Variants in FLYWCH1 observed in about 807,000 individuals in gnomAD.
FLYWCH1 encodes the protein FLYWCH-type zinc finger 1.
Under a neutral mutation model 66.4 loss-of-function variants are expected in FLYWCH1, and 75 were observed. The ratio of observed to expected loss-of-function variants is 1.13; its 90% CI spans 0.94 to 1.37. FLYWCH1 has a LOEUF of 1.37. Ranked by LOEUF, FLYWCH1 falls within the 40% of genes most tolerant of loss-of-function variation. The pLI, the probability that FLYWCH1 is intolerant of heterozygous loss-of-function variation, is 0.00. For missense variants in FLYWCH1, 1,334 were observed against 1,001.8 expected, an observed-to-expected ratio of 1.33 and a Z score of -4.48; for synonymous variants, 595 against 429.9, an observed-to-expected ratio of 1.38 and a Z score of -4.75.
intron 2 of FLYWCH1, chr16:2,922,756 T>C (rs929510318): frequency 9.7e-6 from 5 of 514,620 alleles, no homozygotes; most frequent in African/African-American, 7.7e-5. Flanking sequence ...ATCAGGGTAT[T>C]GACCTGGGCC....
intron 2 of FLYWCH1, among the ~76,000 whole-genome samples, chr16:2,916,292 A>T (rs969112549): frequency 5.3e-5 from 8 of 152,162 alleles, no homozygotes; most frequent in Admixed American, 1.3e-4. Context: ...GTGAGCTGAG[A>T]TCATGCCACT....
chr16:2,948,287 G>C (rs992026785), intron 9 of FLYWCH1, among the ~76,000 whole-genome samples: 3 of 152,064 alleles, frequency 2.0e-5, no homozygotes, highest in African/African-American at 7.2e-5. Context: ...AGCCAGGTGA[G>C]GTGGCTCATG....
chr16:2,940,276 C>G, intron 9 of FLYWCH1, 184 bp downstream of exon 9: 1 of 530,038 alleles, frequency 1.9e-6, no homozygotes, highest in Admixed American at 3.4e-5. Flanking sequence ...TCTGAAGGCC[C>G]AAGTGAGGCT....
chr16:2,918,589 C>T (rs986032799), intron 2 of FLYWCH1, among the ~76,000 whole-genome samples: 1 of 151,672 alleles, frequency 6.6e-6, no homozygotes, highest in African/African-American at 2.4e-5. Flanking sequence ...TACAGGCATG[C>T]ACCAACATGA....
chr16:2,933,967 C>T lies in FLYWCH1; in HGVS notation c.1501C>T (p.Arg501Trp), dbSNP rs61747745. 1,005 of 1,537,532 alleles carry T rather than the reference C, an allele frequency of 6.5e-4. 10 individuals are homozygous for T. In the African/African-American group the frequency reaches 0.013, roughly 19 times the overall value. Residue 501 changes from arginine to tryptophan, a missense_variant, in exon 6 of 10, where the codon CGG (arginine) becomes TGG (tryptophan). Arg to Trp is a moderately radical substitution (Grantham distance 101). Coordinates refer to ENST00000253928, the MANE Select transcript of FLYWCH1 (RefSeq NM_001308068.2). Reference protein sequence around the residue: ...QREKRPNTAQRGSPGGPEFLK... With the variant: ...QREKRPNTAQWGSPGGPEFLK... ...GGAGAAACGCCCCAACACGGCGCAG[C>T]GGGGGAGCCCAGGTACCTGGGGGTG...
At position 2,940,042 on chromosome 16, in the gene FLYWCH1, A is replaced by G. The variant is rs756064311; in HGVS notation, c.2061A>G (p.Gln687=). The G allele has an allele frequency of 3.8e-6, 6 of 1,595,186 alleles. No individual in the cohort carries two copies. Among genetic ancestry groups the G allele is most frequent in the East Asian group, 4.5e-5 (2 of 44,748 alleles). The change falls in exon 9 of 10, where the codon CAA becomes CAG. Residue 687 remains glutamine (Q), a synonymous_variant. Coordinates refer to ENST00000253928, the MANE Select transcript of FLYWCH1 (RefSeq NM_001308068.2). ...TAQQEDPEKI[Q]VQLCFKTCSP... ...ATTATTTTTCCACAGAAAAGATTCA[A>G]GTTCAGCTGTGCTTCAAGACGTGTT...
intron 2 of FLYWCH1, chr16:2,922,295 A>T (rs2070401437): frequency 6.4e-6 from 1 of 156,526 alleles, no homozygotes; most frequent in African/African-American, 2.4e-5. Context: ...CATATTGGTC[A>T]TTCATGTAAA....
chr16:2,924,585 C>T (rs1051365957), intron 2 of FLYWCH1, among the ~76,000 whole-genome samples: 3 of 152,194 alleles, frequency 2.0e-5, no homozygotes, highest in African/African-American at 7.2e-5. Context: ...CAGCTGCCTT[C>T]CCTGCAGACT....
intron 2 of FLYWCH1, among the ~76,000 whole-genome samples, chr16:2,927,918 G>A (rs1038141919): frequency 6.6e-6 from 1 of 152,232 alleles, no homozygotes; most frequent in Non-Finnish European, 1.5e-5. Flanking sequence ...ATTTATTGAT[G>A]ACTATTTTTA....
intron 2 of FLYWCH1, among the ~76,000 whole-genome samples, chr16:2,924,927 G>C (rs1404507414): frequency 6.6e-6 from 1 of 152,216 alleles, no homozygotes; most frequent in Non-Finnish European, 1.5e-5. Flanking sequence ...AGAGGACTGC[G>C]CTCTCTCCTG....
intron 2 of FLYWCH1, among the ~76,000 whole-genome samples, chr16:2,920,069 G>T (rs1298747937): frequency 1.3e-5 from 2 of 151,990 alleles, no homozygotes; most frequent in Non-Finnish European, 2.9e-5. Context: ...AAGTAGTTGT[G>T]CATTTGAGTG....
intron 4 of FLYWCH1, among the ~76,000 whole-genome samples, chr16:2,932,590 G>A (rs2070805522): frequency 6.6e-6 from 1 of 152,294 alleles, no homozygotes; most frequent in Middle Eastern, 3.4e-3. Context: ...CCTGCCCTGG[G>A]CACCTGGGGT....
At chr16:2,934,965 C>A (rs1397891603) in intron 6 of FLYWCH1, 1 of 176,684 alleles carries the variant, frequency 5.7e-6, no homozygotes, top group African/African-American at 2.5e-5. Flanking sequence ...GCTTTATCAC[C>A]CAGGCTGGTG....
rs770742465 is a variant in FLYWCH1 at position 2,948,902 on chromosome 16, C to T, written c.*175C>T. 1.6e-6 allele frequency: 1 copy of T among 609,844 alleles called. No homozygotes were observed. Among genetic ancestry groups the T allele is most frequent in the Admixed American group, 2.7e-5 (1 of 36,376 alleles). The allele number at this position is 609,844 out of a possible 1,614,324, so 37.8% of individuals were successfully genotyped here. On this transcript the variant is annotated 3_prime_UTR_variant, in exon 10 of 10. Transcript: ENST00000253928. ...CCCAGGAGGAATTCTTGGATGGTGT[C>T]CTCATGTCGGCGGAGAACAGTGCTC...
intron 9 of FLYWCH1, among the ~76,000 whole-genome samples, chr16:2,946,758 A>C (rs990528612): frequency 1.3e-5 from 2 of 152,206 alleles, no homozygotes; most frequent in Non-Finnish European, 2.9e-5. Flanking sequence ...ATAGATTCTC[A>C]ACTTCATCAG....
chr16:2,926,794 T>C (rs2070582873), intron 2 of FLYWCH1, among the ~76,000 whole-genome samples: 1 of 152,130 alleles, frequency 6.6e-6, no homozygotes, highest in African/African-American at 2.4e-5. Flanking sequence ...AGGTAACATA[T>C]CCTGAATCAT....
chr16:2,944,591 G>C (rs940019717), intron 9 of FLYWCH1, among the ~76,000 whole-genome samples: 3 of 152,108 alleles, frequency 2.0e-5, no homozygotes, highest in Non-Finnish European at 2.9e-5. Flanking sequence ...GGTAGGCTGA[G>C]GCAGGCAGAT....
At chr16:2,938,607 GTT>G (rs35169451) in intron 8 of FLYWCH1, among the ~76,000 whole-genome samples, 151 bp downstream of exon 8, 17 of 129,178 alleles carry the variant, frequency 1.3e-4, no homozygotes, top group South Asian at 2.4e-4. Context: ...ACCAGTCTTT[GTT>G]TTTTTTTTTT....
chr16:2,933,193 C>A lies in FLYWCH1; in HGVS notation c.860C>A (p.Ser287Ter). 3 of 1,613,664 alleles carry A rather than the reference C, an allele frequency of 1.9e-6. No individual in the cohort carries two copies. Among genetic ancestry groups the A allele is most frequent in the Non-Finnish European group, 2.5e-6 (3 of 1,179,840 alleles). The change falls in exon 5 of 10, where the codon TCG (serine) becomes TAG (stop). Residue 287 changes from serine (S) to a stop codon, truncating the protein, a stop_gained. Transcript: ENST00000253928. LOFTEE classifies it high-confidence loss of function. ...GGGGGCAGCTTCCTGGTACACGAGT[C>A]GTTCCTCTACAAGCGGGAGAAGGCT... is the stretch of plus-strand genomic sequence containing the variant. ...CYGGSFLVHE[S>*]FLYKREKAVG...
Sources: allele counts gnomAD v4.1 joint callset (sites outside exome capture counted in the v4.1 genomes callset), GRCh38; gene constraint gnomAD v4.1.1; transcripts MANE v1.5; gene names NCBI Gene and HGNC (gene_info 2026-07-23, HGNC 2026-07-21).